PDGFD: variants seen among roughly 807,000 people sequenced by gnomAD.
The protein encoded by PDGFD is platelet-derived growth factor D.
In PDGFD, 30 loss-of-function variants were observed where a neutral mutation model predicts 44.7. The observed-to-expected ratio is 0.67, with a 90% CI of 0.50 to 0.91. The LOEUF is 0.91. PDGFD is among the 40% of genes least tolerant of loss of function. PDGFD has a pLI of 0.00. For synonymous variants in PDGFD, 173 were observed against 168.4 expected, an observed-to-expected ratio of 1.03 and a Z score of -0.21; for missense variants, 445 against 457.8, an observed-to-expected ratio of 0.97 and a Z score of 0.25.
At chr11:103,954,871 A>C (rs1244780312) in intron 3 of PDGFD, among the ~76,000 whole-genome samples, 1 of 152,124 alleles carries the variant, frequency 6.6e-6, no homozygotes, top group East Asian at 1.9e-4. Flanking sequence ...AAGATTCATA[A>C]AACAGTAATG....
chr11:103,911,270 C>T (rs142565046), intron 6 of PDGFD, among the ~76,000 whole-genome samples: 8,635 of 152,220 alleles, frequency 0.057, 316 homozygotes, highest in Non-Finnish European at 0.081. Context: ...GGTCCCTGAC[C>T]CCCATGTATC....
chr11:104,116,555 A>G (rs1395581713), intron 1 of PDGFD, among the ~76,000 whole-genome samples: 1 of 152,240 alleles, frequency 6.6e-6, no homozygotes, highest in East Asian at 1.9e-4. Flanking sequence ...TTACCCTAAT[A>G]CCAAAACCAA....
intron 1 of PDGFD, among the ~76,000 whole-genome samples, chr11:104,083,262 T>C (rs1442565859): frequency 6.6e-6 from 1 of 152,174 alleles, no homozygotes; most frequent in Non-Finnish European, 1.5e-5. Flanking sequence ...AAACAGTAGA[T>C]GGTGGCTTAC....
chr11:104,159,011 G>A (rs749845821), intron 1 of PDGFD, among the ~76,000 whole-genome samples: 13 of 151,870 alleles, frequency 8.6e-5, no homozygotes, highest in African/African-American at 1.7e-4. Context: ...AAATTAGCCC[G>A]AGGCGGTGGT....
At chr11:103,943,753 T>C in intron 4 of PDGFD, 103 bp from the exon 5 acceptor site, 2 of 908,050 alleles carry the variant, frequency 2.2e-6, no homozygotes, top group South Asian at 1.6e-5. Context: ...CTTCTGAGTA[T>C]AAGACATCAT....
At chr11:103,944,624 T>C (rs1858642332) in intron 4 of PDGFD, among the ~76,000 whole-genome samples, 1 of 152,196 alleles carries the variant, frequency 6.6e-6, no homozygotes. Context: ...AAAACTTGCT[T>C]TCCTAAGATT....
Position 103,992,637 on chromosome 11 carries a change from G to C in PDGFD, c.510+3428C>G, listed in dbSNP as rs575517384. Among the ~76,000 whole-genome samples the C allele has an allele frequency of 2.6e-5, 4 of 152,318 alleles. No homozygotes were observed. The East Asian group carries it at 7.7e-4, about 29-fold the overall frequency. The stretch of plus-strand genomic sequence containing the variant: ...TGCTGCCATGCCCTGGGTGGGCACT[G>C]TGACAGGTGCTAAAAGAAGGTAGAA... On this transcript the variant is annotated intron_variant, in intron 3 of 6. Transcript: ENST00000393158.
intron 1 of PDGFD, among the ~76,000 whole-genome samples, chr11:104,066,978 G>A (rs1024609640): frequency 1.3e-5 from 2 of 152,126 alleles, no homozygotes; most frequent in African/African-American, 4.8e-5. Flanking sequence ...GACCAAATAT[G>A]GTCCAAGCAC....
chr11:103,974,033 A>G (rs1859144356), intron 3 of PDGFD, among the ~76,000 whole-genome samples: 2 of 152,294 alleles, frequency 1.3e-5, no homozygotes, highest in East Asian at 3.9e-4. Flanking sequence ...TCCTGCAGGC[A>G]GAGAGACAAA....
At chr11:103,958,457 A>C (rs1283264124) in intron 3 of PDGFD, among the ~76,000 whole-genome samples, 1 of 152,192 alleles carries the variant, frequency 6.6e-6, no homozygotes, top group African/African-American at 2.4e-5. Flanking sequence ...GATATTGCTA[A>C]GCTAATCTTA....
At chr11:103,922,375 T>C (rs1858238665) in intron 6 of PDGFD, among the ~76,000 whole-genome samples, 1 of 152,204 alleles carries the variant, frequency 6.6e-6, no homozygotes, top group African/African-American at 2.4e-5. Context: ...CCAAATGTTT[T>C]AAGCTGAAGG....
chr11:104,126,745 C>T (rs2119828473), intron 1 of PDGFD, among the ~76,000 whole-genome samples: 2 of 152,156 alleles, frequency 1.3e-5, no homozygotes, highest in Middle Eastern at 6.8e-3. Flanking sequence ...TGTGCTCATC[C>T]TCAAGCATCA....
intron 6 of PDGFD, among the ~76,000 whole-genome samples, chr11:103,925,409 T>G (rs190112703): frequency 2.5e-4 from 38 of 152,268 alleles, no homozygotes; most frequent in Non-Finnish European, 3.5e-4. Flanking sequence ...GTTTATATTT[T>G]AAAACATATT....
chr11:103,972,447 C>G (rs1859118224), intron 3 of PDGFD, among the ~76,000 whole-genome samples: 1 of 152,132 alleles, frequency 6.6e-6, no homozygotes, highest in African/African-American at 2.4e-5. Context: ...TATTCTTCCT[C>G]TTTTTCATCT....
chr11:104,053,535 A>G (rs1287985650), intron 1 of PDGFD, among the ~76,000 whole-genome samples: 1 of 152,210 alleles, frequency 6.6e-6, no homozygotes, highest in Admixed American at 6.5e-5. Context: ...TTCTATGAAA[A>G]TGTGTTAATT....
chr11:104,159,968 A>G (rs1373135576), intron 1 of PDGFD, among the ~76,000 whole-genome samples: 1 of 152,228 alleles, frequency 6.6e-6, no homozygotes, highest in Non-Finnish European at 1.5e-5. Context: ...TATGCTTTAC[A>G]AGATTATAGA....
intron 1 of PDGFD, among the ~76,000 whole-genome samples, chr11:104,111,199 T>A (rs1300611289): frequency 5.9e-5 from 9 of 151,632 alleles, no homozygotes. Context: ...GAAACTAAAA[T>A]CTACACCTGA....
In PDGFD at chr11:103,909,065, T is replaced by C. The variant is rs10895534; in HGVS notation, c.*629A>G. 61,787 of 152,034 alleles carry C rather than the reference T, an allele frequency of 0.41. 12,896 individuals are homozygous for C. The highest frequency in any genetic ancestry group is 0.49 in the African/African-American group (20,427 of 41,462). 9.4% of individuals were successfully genotyped at this position (152,034 alleles called of 1,614,324 possible). On this transcript the variant is annotated 3_prime_UTR_variant, in exon 7 of 7. Transcript: ENST00000393158. ...GCATGGTTTTGGAGACAGGTTATTA[T>C]AGTCCACATAGGTAAGTATGCAGTG...
intron 6 of PDGFD, among the ~76,000 whole-genome samples, chr11:103,914,159 T>C (rs1858076401): frequency 6.6e-6 from 1 of 152,138 alleles, no homozygotes; most frequent in Non-Finnish European, 1.5e-5. Context: ...CAAGACTGCA[T>C]TCCTCAAACA....
Sources: gnomAD v4.1 joint callset for allele counts (sites outside exome capture counted in the v4.1 genomes callset) on GRCh38, gnomAD v4.1.1 for gene constraint, MANE v1.5 for transcripts, NCBI Gene and HGNC (gene_info 2026-07-23, HGNC 2026-07-21) for gene names.